THSD7A: variants seen among roughly 807,000 people sequenced by gnomAD.
The protein encoded by THSD7A is thrombospondin type 1 domain containing 7A, also known as thrombospondin type-1 domain-containing protein 7A.
A neutral mutation model predicts 231.3 loss-of-function variants in THSD7A; 96 were observed. The ratio of observed to expected loss-of-function variants is 0.41; its 90% CI spans 0.35 to 0.49. THSD7A has a LOEUF of 0.49. Among genes scored for constraint, THSD7A ranks in the 20% least tolerant of loss-of-function variants. THSD7A has a pLI of 0.05. For missense variants in THSD7A, 2,290 were observed against 2,070.2 expected, an observed-to-expected ratio of 1.11 and a Z score of -2.06; for synonymous variants, 940 against 743.3, an observed-to-expected ratio of 1.26 and a Z score of -4.30.
At chr7:11,689,266 G>A (rs997951892) in intron 1 of THSD7A, among the ~76,000 whole-genome samples, 7 of 151,764 alleles carry the variant, frequency 4.6e-5, no homozygotes, top group African/African-American at 9.7e-5. Context: ...AGCACTTGCC[G>A]GTTCATTGAC....
intron 6 of THSD7A, among the ~76,000 whole-genome samples, chr7:11,533,641 G>A (rs941103668): frequency 1.3e-5 from 2 of 152,090 alleles, no homozygotes; most frequent in African/African-American, 4.8e-5. Context: ...AACACAGGAA[G>A]ATAAAACCAA....
chr7:11,581,016 AT>A (rs1791136392), intron 4 of THSD7A, among the ~76,000 whole-genome samples: 1 of 152,258 alleles, frequency 6.6e-6, no homozygotes, highest in African/African-American at 2.4e-5. Context: ...AGATACCTAA[AT>A]TTGCAATCCT....
intron 7 of THSD7A, 68 bp downstream of exon 7, chr7:11,481,720 G>C: frequency 7.0e-7 from 1 of 1,434,852 alleles, no homozygotes; most frequent in Non-Finnish European, 9.4e-7. Context: ...TCTTTTCCAG[G>C]CTACACAAAA....
At chr7:11,475,288 T>G (rs1298039695) in intron 7 of THSD7A, among the ~76,000 whole-genome samples, 1 of 152,072 alleles carries the variant, frequency 6.6e-6, no homozygotes, top group African/African-American at 2.4e-5. Flanking sequence ...CACTGCTGGG[T>G]GAAAAGTGCA....
chr7:11,615,272 G>T (rs533708165), intron 2 of THSD7A, among the ~76,000 whole-genome samples: 1 of 152,316 alleles, frequency 6.6e-6, no homozygotes, highest in Non-Finnish European at 1.5e-5. Flanking sequence ...GAGGTACATG[G>T]CTATTCTTCA....
At chr7:11,813,927 C>A (rs7798322) in intron 1 of THSD7A, among the ~76,000 whole-genome samples, 1 of 151,742 alleles carries the variant, frequency 6.6e-6, no homozygotes, top group African/African-American at 2.4e-5. Flanking sequence ...AGGAACAACC[C>A]AAATGTCTAT....
chr7:11,513,468 A>G (rs1787903303), intron 6 of THSD7A, among the ~76,000 whole-genome samples: 1 of 152,210 alleles, frequency 6.6e-6, no homozygotes, highest in Admixed American at 6.5e-5. Context: ...CATAAAAAGG[A>G]ATGAAGTACT....
chr7:11,529,676 T>C (rs1463590875), intron 6 of THSD7A, among the ~76,000 whole-genome samples: 1 of 152,170 alleles, frequency 6.6e-6, no homozygotes, highest in East Asian at 1.9e-4. Flanking sequence ...TTGTAAGTTT[T>C]CTGAGTGAGG....
At chr7:11,400,167 C>T (rs527389324) in intron 23 of THSD7A, among the ~76,000 whole-genome samples, 12 of 102,172 alleles carry the variant, frequency 1.2e-4, no homozygotes, top group Non-Finnish European at 2.3e-4. Flanking sequence ...GTTATGGGGT[C>T]GGGGGAGGGG....
chr7:11,643,012 C>A (rs1050523941), intron 1 of THSD7A, among the ~76,000 whole-genome samples: 1 of 152,056 alleles, frequency 6.6e-6, no homozygotes, highest in Non-Finnish European at 1.5e-5. Flanking sequence ...ACATTATTGA[C>A]AGGTGGCCAG....
intron 4 of THSD7A, among the ~76,000 whole-genome samples, chr7:11,556,715 T>C (rs538540544): frequency 6.6e-6 from 1 of 152,058 alleles, no homozygotes; most frequent in Admixed American, 6.6e-5. Flanking sequence ...TTTCCTTCAT[T>C]CTTGAAAGAT....
At chr7:11,619,791 C>G (rs1781243050) in intron 2 of THSD7A, among the ~76,000 whole-genome samples, 1 of 151,890 alleles carries the variant, frequency 6.6e-6, no homozygotes, top group South Asian at 2.1e-4. Flanking sequence ...ATCAAGTATT[C>G]CTGCTATCTA....
chr7:11,392,538 T>A (rs1053996280), intron 23 of THSD7A, among the ~76,000 whole-genome samples: 5 of 152,106 alleles, frequency 3.3e-5, no homozygotes, highest in Non-Finnish European at 7.4e-5. Context: ...ACCGAACTAT[T>A]CACTCCCCTG....
chr7:11,546,852 G>C (rs529789261), intron 4 of THSD7A, among the ~76,000 whole-genome samples: 4 of 151,294 alleles, frequency 2.6e-5, no homozygotes, highest in African/African-American at 9.7e-5. Flanking sequence ...GCTTTTTTAA[G>C]AAAAAAAACA....
At chr7:11,714,903 C>A (rs1004123293) in intron 1 of THSD7A, among the ~76,000 whole-genome samples, 2 of 151,326 alleles carry the variant, frequency 1.3e-5, no homozygotes, top group African/African-American at 4.8e-5. Context: ...TCAAGGTTAG[C>A]TGAGTAAATC....
At chr7:11,603,865 C>G (rs2128345699) in intron 2 of THSD7A, among the ~76,000 whole-genome samples, 1 of 115,306 alleles carries the variant, frequency 8.7e-6, no homozygotes, top group Middle Eastern at 6.6e-3. Flanking sequence ...ATATCACACT[C>G]TGGGGACTGT....
At chr7:11,584,169 G>A (rs568327265) in intron 4 of THSD7A, among the ~76,000 whole-genome samples, 39 of 152,256 alleles carry the variant, frequency 2.6e-4, no homozygotes, top group African/African-American at 9.1e-4. Context: ...ACCACAGAAA[G>A]CATCAGCAGC....
At chr7:11,432,945 A>G (rs970926344) in intron 13 of THSD7A, among the ~76,000 whole-genome samples, 14 of 152,080 alleles carry the variant, frequency 9.2e-5, no homozygotes, top group African/African-American at 3.4e-4. Flanking sequence ...TTAGGATACA[A>G]TGAAAAGTTC....
chr7:11,436,893 CTATT>C (rs1562608081), intron 13 of THSD7A, among the ~76,000 whole-genome samples: 1 of 151,916 alleles, frequency 6.6e-6, no homozygotes, highest in South Asian at 2.1e-4. Flanking sequence ...TATAAAATGT[CTATT>C]TAAAAGATCA....
Sources: allele counts gnomAD v4.1 joint callset (sites outside exome capture counted in the v4.1 genomes callset), GRCh38; gene constraint gnomAD v4.1.1; transcripts MANE v1.5; gene names NCBI Gene and HGNC (gene_info 2026-07-23, HGNC 2026-07-21).